The following RNF213 variants were observed in gnomAD, a reference collection of about 807,000 sequenced individuals.
RNF213 encodes the protein ring finger protein 213, also known as E3 ubiquitin-protein ligase RNF213.
RNF213 carries 341 observed loss-of-function variants against 514.4 expected under a neutral mutation model. That is an observed-to-expected ratio of 0.66 (90% confidence interval 0.61 to 0.73). The LOEUF (loss-of-function observed/expected upper bound fraction) is 0.73, where lower values mean the gene tolerates loss of function less well. Ranked by LOEUF, RNF213 falls within the 30% of genes least tolerant of loss-of-function variation. The pLI is 0.00. For synonymous variants in RNF213, 2,655 were observed against 2,658.2 expected (o/e 1.00, Z 0.04); for missense variants, 5,767 against 6,615.6 (o/e 0.87, Z 4.45).
chr17:80,319,949 C>G (rs952371451), intron 17 of RNF213: 1 of 1,027,086 alleles, frequency 9.7e-7, no homozygotes. Context: ...TTCCGGGGAC[C>G]AAGGGGTTCT....
At chr17:80,305,306 G>C (rs915373595) in intron 11 of RNF213, among the ~76,000 whole-genome samples, 1 of 151,274 alleles carries the variant, frequency 6.6e-6, no homozygotes, top group African/African-American at 2.4e-5. Context: ...AGCCTCCCAA[G>C]TAGCTGGGAT....
At chr17:80,349,592 TC>T (rs1331236169) in intron 29 of RNF213, among the ~76,000 whole-genome samples, 177 bp from the exon 30 acceptor site, 1 of 152,202 alleles carries the variant, frequency 6.6e-6, no homozygotes, top group Admixed American at 6.5e-5. Context: ...CTGTAGGGCC[TC>T]TCGGCCCCAG....
intron 10 of RNF213, among the ~76,000 whole-genome samples, chr17:80,296,774 C>G (rs1380176867): frequency 6.6e-6 from 1 of 152,146 alleles, no homozygotes; most frequent in Non-Finnish European, 1.5e-5. Flanking sequence ...TTCAGCCTCA[C>G]AGACTCAGGT....
Position 80,364,513 on chromosome 17 carries a change from T to A in RNF213, c.11831T>A (p.Leu3944Ter), listed in dbSNP as rs767376348. 2 of 1,613,982 alleles carry A rather than the reference T, an allele frequency of 1.2e-6. No homozygotes were observed. Among genetic ancestry groups the A allele is most frequent in the Non-Finnish European group, 1.7e-6 (2 of 1,180,026 alleles). The change falls in exon 42 of 68, where the codon TTA (leucine) becomes TAA (stop). Residue 3944 changes from leucine (L) to a stop codon, truncating the protein, a stop_gained. Transcript: ENST00000582970. LOFTEE classifies it high-confidence loss of function. ...GGAACCGAGAGCCGCGTCCCCGAGT[T>A]ACAGGGGCTGGTGACCGAGCACGTC... is the stretch of plus-strand genomic sequence containing the variant. ...LLGTESRVPE[L>*]QGLVTEHVFL...
chr17:80,290,457 GCATGTGTGTGTGCA>G (rs1268248736), intron 6 of RNF213, 99 bp from the exon 7 acceptor site: 19 of 1,284,134 alleles, frequency 1.5e-5, no homozygotes, highest in South Asian at 4.8e-5. Context: ...GTGTGCGAGT[GCATGTGTGTGTGCA>G]CGTGTGTGTG....
At chr17:80,266,206 C>T (rs1182521119) in intron 2 of RNF213, among the ~76,000 whole-genome samples, 2 of 151,462 alleles carry the variant, frequency 1.3e-5, no homozygotes, top group African/African-American at 4.9e-5. Context: ...CTTTGGGAGG[C>T]CGAGGTGAGT....
Position 80,353,449 on chromosome 17 carries a change from A to T in RNF213, c.10424-63A>T. On this transcript the variant is annotated intron_variant, in intron 33 of 67. Transcript: ENST00000582970. This position sits in a 1 kb window ranked among gnomAD's most constrained non-coding sequence, Gnocchi z 5.0. ...CTGAGCACACAGACTCCCAGATGGC[A>T]CCGCTGCCAGTCCCTGTGCCACCTT... 1.3e-6 allele frequency: 2 copies of T among 1,544,248 alleles called. No individual in the cohort carries two copies. Among genetic ancestry groups the T allele is most frequent in the South Asian group, 2.4e-5 (2 of 84,474 alleles).
chr17:80,369,968 C>A, intron 46 of RNF213, 101 bp downstream of exon 46: 1 of 848,314 alleles, frequency 1.2e-6, no homozygotes. Context: ...GTAGCTAGTA[C>A]ATGATCTTGG....
intron 37 of RNF213, among the ~76,000 whole-genome samples, chr17:80,358,890 A>G (rs2144332813): frequency 6.6e-6 from 1 of 152,280 alleles, no homozygotes; most frequent in South Asian, 2.1e-4. Context: ...GCCTGGTGAC[A>G]GAGCAAGACT....
intron 29 of RNF213, among the ~76,000 whole-genome samples, chr17:80,348,853 G>A (rs911318620): frequency 6.6e-6 from 1 of 152,214 alleles, no homozygotes. Context: ...ATGGGGCGAT[G>A]AGGTGCAGTC....
chr17:80,337,761 C>A, intron 24 of RNF213, 35 bp downstream of exon 24: 1 of 1,537,132 alleles, frequency 6.5e-7, no homozygotes, highest in Non-Finnish European at 8.7e-7. Flanking sequence ...CAGCTGCGGC[C>A]CTTCTGCAGG....
chr17:80,268,354 GAAAAAAAA>G (rs898719348), intron 2 of RNF213, among the ~76,000 whole-genome samples: 3 of 73,198 alleles, frequency 4.1e-5, no homozygotes, highest in African/African-American at 6.0e-5. Flanking sequence ...CCCTGTCTCA[GAAAAAAAA>G]AAAAAAAAAA....
At position 80,363,281 on chromosome 17, in the gene RNF213, C is replaced by T; in HGVS notation, c.11535C>T (p.Ala3845=). The T allele has an allele frequency of 6.2e-7, 1 of 1,614,004 alleles. No individual in the cohort carries two copies. Among genetic ancestry groups the T allele is most frequent in the Non-Finnish European group, 8.5e-7 (1 of 1,180,026 alleles). The change falls in exon 40 of 68, where the codon GCC becomes GCT. Residue 3845 remains alanine (A), a synonymous_variant. Coordinates refer to ENST00000582970, the MANE Select transcript of RNF213 (RefSeq NM_001256071.3). ...YPQVLHSLME[A]RWNHELAGCE... ...AGGTTCTCCACAGCCTGATGGAAGC[C>T]CGTTGGAACCATGAGCTGGCTGGAT...
Position 80,264,324 on chromosome 17 carries a change from G to A in RNF213, c.97+546G>A, listed in dbSNP as rs953843598. On this transcript the variant is annotated intron_variant, in intron 2 of 67. Coordinates refer to ENST00000582970, the MANE Select transcript of RNF213 (RefSeq NM_001256071.3). The surrounding 1 kb of genome is among the most constrained non-coding windows in gnomAD (Gnocchi z 5.0). Reference sequence around the variant, plus strand: ...GGGTTAGTTTTTGAGGGGCCGTGAGGGGGCCCCAGGACCTGTCCAGGCACC... The same window carrying A: ...GGGTTAGTTTTTGAGGGGCCGTGAGAGGGCCCCAGGACCTGTCCAGGCACC... Among the ~76,000 whole-genome samples, 5 of 152,090 alleles carry A rather than the reference G, an allele frequency of 3.3e-5. No homozygotes were observed. Among genetic ancestry groups the A allele is most frequent in the African/African-American group, 1.2e-4 (5 of 41,424 alleles).
rs577038950 is a variant in RNF213 at position 80,396,216 on chromosome 17, T to A, written c.*2718T>A. 6.6e-6 allele frequency: 1 copy of A among 152,074 alleles called. No individual in the cohort carries two copies. Among genetic ancestry groups the A allele is most frequent in the Admixed American group, 6.6e-5 (1 of 15,252 alleles). 9.4% of individuals were successfully genotyped at this position (152,074 alleles called of 1,614,324 possible). ...GTTTGAGGCTGCAGTGAGCTATGAT[T>A]GCACCACTGCACTCCAACCTGGGTG... On this transcript the variant is annotated 3_prime_UTR_variant, in exon 68 of 68. Transcript: ENST00000582970.
Position 80,353,835 on chromosome 17 carries a change from G to A in RNF213, c.10578+169G>A. ...ACGGTCTTGTTGCTGGTTACTGGGG[G>A]TCAAGGGCATCTGCACCGGCAGTTT... On this transcript the variant is annotated intron_variant, in intron 34 of 67. Coordinates refer to ENST00000582970, the MANE Select transcript of RNF213 (RefSeq NM_001256071.3). The surrounding 1 kb of genome is among the most constrained non-coding windows in gnomAD (Gnocchi z 5.0). 1 of 1,210,554 alleles carries A rather than the reference G, an allele frequency of 8.3e-7. No individual in the cohort carries two copies. Among genetic ancestry groups the A allele is most frequent in the Non-Finnish European group, 1.2e-6 (1 of 838,654 alleles). The allele number at this position is 1,210,554 out of a possible 1,614,324, so 75.0% of individuals were successfully genotyped here.
Position 80,345,232 on chromosome 17 carries a change from G to A in RNF213, c.6897G>A (p.Glu2299=), listed in dbSNP as rs750706811. The change falls in exon 29 of 68, where the codon GAG becomes GAA. Residue 2299 remains glutamate (E), a synonymous_variant. Coordinates refer to ENST00000582970, the MANE Select transcript of RNF213 (RefSeq NM_001256071.3). The surrounding 1 kb of genome is among the most constrained non-coding windows in gnomAD (Gnocchi z 6.0). ...LAPFSLRKRW[E]SEPHPYVFFN... ...CCTTCTCCCTCCGGAAGAGGTGGGA[G>A]TCGGAGCCTCACCCATACGTTTTCT... is the stretch of plus-strand genomic sequence containing the variant. 1.9e-6 allele frequency: 3 copies of A among 1,614,168 alleles called. No homozygotes were observed. Among genetic ancestry groups the A allele is most frequent in the East Asian group, 2.2e-5 (1 of 44,882 alleles).
At chr17:80,386,964 C>G (rs775908794) in intron 63 of RNF213, 73 bp downstream of exon 63, 3 of 1,425,772 alleles carry the variant, frequency 2.1e-6, no homozygotes, top group Non-Finnish European at 2.9e-6. Context: ...GTGTGTTTCT[C>G]GAGAGAGGGA....
At chr17:80,314,298 G>GAGGTAA (rs2045748108) in intron 15 of RNF213, among the ~76,000 whole-genome samples, 1 of 90,950 alleles carries the variant, frequency 1.1e-5, no homozygotes. Context: ...GGTGATGGTG[G>GAGGTAA]TGGACGTGAT....
Sources: allele counts gnomAD v4.1 joint callset (sites outside exome capture counted in the v4.1 genomes callset), GRCh38; gene constraint gnomAD v4.1.1; non-coding constraint Gnocchi (gnomAD v3.1); transcripts MANE v1.5; gene names NCBI Gene and HGNC (gene_info 2026-07-23, HGNC 2026-07-21).